Variants in PIK3C2G observed in about 807,000 individuals in gnomAD.
PIK3C2G encodes phosphatidylinositol-4-phosphate 3-kinase catalytic subunit type 2 gamma.
PIK3C2G carries 168 observed loss-of-function variants against 181.1 expected under a neutral mutation model. The observed-to-expected ratio is 0.93, with a 90% CI of 0.82 to 1.05. The LOEUF (loss-of-function observed/expected upper bound fraction) is 1.05, where lower values mean the gene tolerates loss of function less well. Ranked by LOEUF, PIK3C2G falls within the 50% of genes least tolerant of loss-of-function variation. The pLI, the probability that PIK3C2G is intolerant of heterozygous loss-of-function variation, is 0.00. For missense variants in PIK3C2G, 1,869 were observed against 1,732.8 expected, an observed-to-expected ratio of 1.08 and a Z score of -1.40; for synonymous variants, 573 against 592.2, an observed-to-expected ratio of 0.97 and a Z score of 0.47.
In PIK3C2G at chr12:18,282,024, G is replaced by A; in HGVS notation, c.-58G>A. ...TCTAGGAAAATTTCTATCTTCTTTT[G>A]TATTATCAAGGAGATATTTGGAGCA... is the stretch of plus-strand genomic sequence containing the variant. On this transcript the variant is annotated 5_prime_UTR_variant, in exon 2 of 33. Coordinates refer to ENST00000538779, the MANE Select transcript of PIK3C2G (RefSeq NM_001288772.2). The A allele has an allele frequency of 1.1e-6, 1 of 937,526 alleles. No homozygotes were observed. The highest frequency in any genetic ancestry group is 1.9e-5 in the South Asian group (1 of 53,586). 58.1% of individuals were successfully genotyped at this position (937,526 alleles called of 1,614,324 possible). A position where few individuals can be genotyped will look rare whatever the true frequency, so the allele number is the denominator to read the frequency against.
chr12:18,322,291 A>G (rs988948817), intron 7 of PIK3C2G, among the ~76,000 whole-genome samples: 21 of 152,076 alleles, frequency 1.4e-4, no homozygotes, highest in Non-Finnish European at 2.6e-4. Context: ...CTGAGGCAGG[A>G]GAATCACTTG....
intron 3 of PIK3C2G, among the ~76,000 whole-genome samples, chr12:18,287,541 G>A (rs1224308831): frequency 6.6e-6 from 1 of 152,098 alleles, no homozygotes; most frequent in African/African-American, 2.4e-5. Flanking sequence ...CTGTTGCTAG[G>A]GTTTCTGAAA....
intron 26 of PIK3C2G, among the ~76,000 whole-genome samples, chr12:18,550,012 A>G (rs1944641274): frequency 6.6e-6 from 1 of 151,870 alleles, no homozygotes; most frequent in African/African-American, 2.4e-5. Context: ...CATATTTTTT[A>G]ATCTTAAAGT....
At chr12:18,719,430 C>T in the PIK3C2G span, 5 of 1,450,780 alleles carry the variant, frequency 3.4e-6, no homozygotes, top group Non-Finnish European at 4.6e-6. Context: ...AAAATAAATA[C>T]CTTACATATC....
chr12:18,509,355 A>T (rs187886457), intron 24 of PIK3C2G, among the ~76,000 whole-genome samples: 5 of 152,342 alleles, frequency 3.3e-5, no homozygotes, highest in Admixed American at 1.3e-4. Context: ...GTTACAAAAT[A>T]TTGTTAACAT....
chr12:18,401,111 C>A (rs1368568859), intron 16 of PIK3C2G, among the ~76,000 whole-genome samples: 1 of 152,090 alleles, frequency 6.6e-6, no homozygotes, highest in Non-Finnish European at 1.5e-5. Flanking sequence ...CAAAACAGAT[C>A]ATCTCAATGT....
chr12:18,488,921 C>T (rs571382572), intron 19 of PIK3C2G, among the ~76,000 whole-genome samples: 6 of 151,976 alleles, frequency 3.9e-5, no homozygotes, highest in Non-Finnish European at 5.9e-5. Context: ...AAACTAATCG[C>T]GTCAATATGG....
chr12:18,527,440 T>G (rs1943300409), intron 24 of PIK3C2G, among the ~76,000 whole-genome samples: 1 of 152,194 alleles, frequency 6.6e-6, no homozygotes. Flanking sequence ...ATGGTAACTT[T>G]ATGGGTTATT....
intron 29 of PIK3C2G, among the ~76,000 whole-genome samples, chr12:18,580,354 T>C (rs1169806579): frequency 6.6e-6 from 1 of 152,200 alleles, no homozygotes; most frequent in Non-Finnish European, 1.5e-5. Flanking sequence ...AAATTGATAT[T>C]ACTTAAGGTT....
intron 29 of PIK3C2G, among the ~76,000 whole-genome samples, chr12:18,584,824 A>G (rs1946687956): frequency 6.6e-6 from 1 of 152,192 alleles, no homozygotes; most frequent in Non-Finnish European, 1.5e-5. Flanking sequence ...AGGGAACACC[A>G]TCAGGCTAAC....
intron 24 of PIK3C2G, among the ~76,000 whole-genome samples, chr12:18,532,676 A>G (rs1943619673): frequency 6.6e-6 from 1 of 152,064 alleles, no homozygotes; most frequent in African/African-American, 2.4e-5. Context: ...CCATTAGCCT[A>G]TGTGTATTCT....
chr12:18,358,636 A>G, intron 11 of PIK3C2G: 1 of 489,584 alleles, frequency 2.0e-6, no homozygotes, highest in Non-Finnish European at 4.1e-6. Context: ...AAAAATTCCT[A>G]TCCTCAGCTG....
chr12:18,680,126 GAAGA>G, the PIK3C2G span, among the ~76,000 whole-genome samples: 2 of 152,106 alleles, frequency 1.3e-5, no homozygotes, highest in East Asian at 1.9e-4. Context: ...GCAGTACTGA[GAAGA>G]AAGGGATATT....
At chr12:18,442,340 C>G (rs141063402) in intron 18 of PIK3C2G, among the ~76,000 whole-genome samples, 2 of 152,068 alleles carry the variant, frequency 1.3e-5, no homozygotes, top group Non-Finnish European at 2.9e-5. Context: ...ATATTATTGT[C>G]TGTCCTCAAA....
Position 18,513,726 on chromosome 12 carries a change from T to C in PIK3C2G, c.3323+8265T>C, listed in dbSNP as rs1209640877. ...TAGTAAGCAGTTTGTATCACCATCT[T>C]GTAAACAGTTTATTACAAAATGCAA... On this transcript the variant is annotated intron_variant, in intron 24 of 32. Coordinates refer to ENST00000538779, the MANE Select transcript of PIK3C2G (RefSeq NM_001288772.2). 3.3e-5 allele frequency among the ~76,000 whole-genome samples: 5 copies of C among 151,990 alleles called. No homozygotes were observed. In the East Asian group the frequency reaches 5.8e-4, roughly 18 times the overall value.
At chr12:18,265,537 G>A (rs757137019) in intron 1 of PIK3C2G, among the ~76,000 whole-genome samples, 3 of 151,968 alleles carry the variant, frequency 2.0e-5, no homozygotes, top group African/African-American at 4.8e-5. Context: ...TATAACTTAT[G>A]TAAAAATTTC....
chr12:18,557,425 T>C (rs996990914), intron 26 of PIK3C2G, among the ~76,000 whole-genome samples: 2 of 151,984 alleles, frequency 1.3e-5, no homozygotes, highest in African/African-American at 4.8e-5. Context: ...ATCACCTAAA[T>C]AGATACAGAA....
intron 3 of PIK3C2G, among the ~76,000 whole-genome samples, chr12:18,287,927 C>T (rs1287449928): frequency 4.0e-5 from 6 of 151,624 alleles, no homozygotes; most frequent in South Asian, 2.1e-4. Flanking sequence ...TTTGGGAGGC[C>T]GAGGTGGGTG....
At chr12:18,330,140 T>C (rs1200152548) in intron 8 of PIK3C2G, among the ~76,000 whole-genome samples, 1 of 152,138 alleles carries the variant, frequency 6.6e-6, no homozygotes, top group Admixed American at 6.6e-5. Context: ...AATTATAATG[T>C]CTTATTTATT....
Sources: gnomAD v4.1 joint callset for allele counts (sites outside exome capture counted in the v4.1 genomes callset) on GRCh38, gnomAD v4.1.1 for gene constraint, MANE v1.5 for transcripts, NCBI Gene and HGNC (gene_info 2026-07-23, HGNC 2026-07-21) for gene names.